ERC1: variants seen among roughly 807,000 people sequenced by gnomAD.
The protein encoded by ERC1 is RAB6 interacting protein 2.
Under a neutral mutation model 132.0 loss-of-function variants are expected in ERC1, and 56 were observed. The ratio of observed to expected loss-of-function variants is 0.42; its 90% CI spans 0.34 to 0.53. ERC1 has a LOEUF of 0.53. Ranked by LOEUF, ERC1 falls within the 20% of genes least tolerant of loss-of-function variation. The pLI is 0.03. For synonymous variants in ERC1, 478 were observed against 476.1 expected (o/e 1.00, Z -0.05); for missense variants, 1,202 against 1,349.9 (o/e 0.89, Z 1.72).
At chr12:1,485,721 G>T (rs61912167) in intron 18 of ERC1, among the ~76,000 whole-genome samples, 57,555 of 151,620 alleles carry the variant, frequency 0.38, 11,248 homozygotes, top group Middle Eastern at 0.46. Flanking sequence ...TCAATTAAAT[G>T]TATAGCTCTT....
chr12:1,421,567 C>G (rs1423241359), intron 17 of ERC1, among the ~76,000 whole-genome samples: 1 of 152,088 alleles, frequency 6.6e-6, no homozygotes, highest in African/African-American at 2.4e-5. Context: ...CGAGTGGAGT[C>G]AGTTGGTTGC....
chr12:1,183,040 G>A (rs1019542048), intron 10 of ERC1, among the ~76,000 whole-genome samples: 4 of 152,112 alleles, frequency 2.6e-5, no homozygotes, highest in African/African-American at 4.8e-5. Flanking sequence ...GGTTTATTTT[G>A]TATTGACAGA....
At chr12:1,208,219 C>G (rs1355703608) in intron 12 of ERC1, among the ~76,000 whole-genome samples, 1 of 152,190 alleles carries the variant, frequency 6.6e-6, no homozygotes, top group Non-Finnish European at 1.5e-5. Context: ...AAGTTTACTT[C>G]ACACTTTCCT....
At chr12:1,381,645 G>C (rs1050139070) in intron 16 of ERC1, among the ~76,000 whole-genome samples, 1 of 152,036 alleles carries the variant, frequency 6.6e-6, no homozygotes, top group African/African-American at 2.4e-5. Context: ...AGATCAACTA[G>C]ATTGTTCCTA....
At chr12:1,224,464 A>C (rs1314474117) in intron 12 of ERC1, among the ~76,000 whole-genome samples, 1 of 152,178 alleles carries the variant, frequency 6.6e-6, no homozygotes, top group Non-Finnish European at 1.5e-5. Context: ...TTAAAATATG[A>C]AAAGAAAATG....
chr12:1,203,439 C>T (rs1264614299), intron 12 of ERC1, among the ~76,000 whole-genome samples: 2 of 152,122 alleles, frequency 1.3e-5, no homozygotes, highest in African/African-American at 4.8e-5. Flanking sequence ...TTTTTCATCT[C>T]TTCATGTTAC....
Position 1,053,102 on chromosome 12 carries a change from A to T in ERC1, c.669+24530A>T, listed in dbSNP as rs143300879. Reference sequence around the variant, plus strand: ...TAGAAACTTGGGAGGGGAAGGGTAAACTGTTATGTATGGTATAAAAAATTT... The same window carrying T: ...TAGAAACTTGGGAGGGGAAGGGTAATCTGTTATGTATGGTATAAAAAATTT... On this transcript the variant is annotated intron_variant, in intron 2 of 18. Transcript: ENST00000360905. Among the ~76,000 whole-genome samples the T allele has an allele frequency of 5.6e-3, 847 of 152,254 alleles. 6 individuals are homozygous for T. The highest frequency in any genetic ancestry group is 0.018 in the African/African-American group (750 of 41,528).
chr12:1,038,074 A>G (rs1028329643), intron 2 of ERC1, among the ~76,000 whole-genome samples: 7 of 151,902 alleles, frequency 4.6e-5, no homozygotes, highest in Non-Finnish European at 1.0e-4. Context: ...GAAAAAAACT[A>G]TTTCCATTTG....
chr12:1,343,363 T>A (rs2084105338), intron 15 of ERC1, among the ~76,000 whole-genome samples: 1 of 152,226 alleles, frequency 6.6e-6, no homozygotes, highest in Non-Finnish European at 1.5e-5. Context: ...AGCTTTGGTG[T>A]TAGTCTTTAT....
chr12:1,487,969 T>G (rs1334827014), intron 18 of ERC1, among the ~76,000 whole-genome samples: 1 of 151,738 alleles, frequency 6.6e-6, no homozygotes, highest in African/African-American at 2.4e-5. Context: ...AAGCCCTGTC[T>G]CTACTAAAAA....
At chr12:1,145,019 A>T (rs149025784) in intron 8 of ERC1, among the ~76,000 whole-genome samples, 2,078 of 151,302 alleles carry the variant, frequency 0.014, 62 homozygotes, top group African/African-American at 0.047. Flanking sequence ...TTAGTGATGC[A>T]GAGCTTTTTT....
chr12:1,095,700 G>T (rs1212424295), intron 3 of ERC1, among the ~76,000 whole-genome samples: 1 of 152,070 alleles, frequency 6.6e-6, no homozygotes, highest in Non-Finnish European at 1.5e-5. Flanking sequence ...TCTATTTCCA[G>T]TCTTCTCTCT....
chr12:1,114,340 A>T (rs1196554317), intron 6 of ERC1, among the ~76,000 whole-genome samples: 1 of 152,144 alleles, frequency 6.6e-6, no homozygotes, highest in Non-Finnish European at 1.5e-5. Flanking sequence ...CTTTTCATTT[A>T]AAATATTTTC....
At chr12:1,058,518 A>G (rs559374631) in intron 2 of ERC1, among the ~76,000 whole-genome samples, 1 of 152,176 alleles carries the variant, frequency 6.6e-6, no homozygotes, top group East Asian at 1.9e-4. Context: ...ATGTGGATTT[A>G]TTTCTAGGTT....
At chr12:1,369,005 A>G (rs929904408) in intron 15 of ERC1, among the ~76,000 whole-genome samples, 4 of 152,218 alleles carry the variant, frequency 2.6e-5, no homozygotes, top group African/African-American at 9.6e-5. Flanking sequence ...AGCCATGGTC[A>G]TAGGAGAGAA....
At chr12:1,372,100 T>C (rs2087308833) in intron 16 of ERC1, 123 bp downstream of exon 16, 1 of 1,191,722 alleles carries the variant, frequency 8.4e-7, no homozygotes, top group Non-Finnish European at 1.1e-6. Flanking sequence ...TCATTGGAGC[T>C]AGTTAGTTTC....
intron 17 of ERC1, among the ~76,000 whole-genome samples, chr12:1,414,298 A>G (rs12300507): frequency 0.13 from 19,479 of 151,970 alleles, 2,795 homozygotes; most frequent in African/African-American, 0.35. Context: ...TTTGGTGAGG[A>G]CCCTCTTCCT....
rs545270657 is a variant in ERC1, at chr12:1,399,510, A to G, written c.2926-8639A>G. Among the ~76,000 whole-genome samples, 20 of 152,320 alleles carry G rather than the reference A, an allele frequency of 1.3e-4. 1 individual carries two copies. Among genetic ancestry groups the G allele is most frequent in the African/African-American group, 4.6e-4 (19 of 41,574 alleles). On this transcript the variant is annotated intron_variant, in intron 16 of 18. Transcript: ENST00000360905. ...AAATACATTTTCACAAATTGAAAGC[A>G]TTATTGATTTTGCTGCTCAAATTGT...
intron 2 of ERC1, among the ~76,000 whole-genome samples, chr12:1,066,836 C>CA (rs35134824): frequency 0.85 from 111,079 of 130,210 alleles, 48,592 homozygotes; most frequent in East Asian, 0.97. Flanking sequence ...GACTCTGTCT[C>CA]AAAAAAAAAA....
Sources: allele counts gnomAD v4.1 joint callset (sites outside exome capture counted in the v4.1 genomes callset), GRCh38; gene constraint gnomAD v4.1.1; transcripts MANE v1.5; gene names NCBI Gene and HGNC (gene_info 2026-07-23, HGNC 2026-07-21).